ACO2: variants seen among roughly 807,000 people sequenced by gnomAD.
The protein encoded by ACO2 is aconitase 2, also known as aconitate hydratase, mitochondrial.
ACO2 carries 31 observed loss-of-function variants against 84.5 expected under a neutral mutation model. The observed-to-expected ratio is 0.37, with a 90% CI of 0.28 to 0.50. ACO2 has a LOEUF of 0.50. Ranked by LOEUF, ACO2 falls within the 20% of genes least tolerant of loss-of-function variation. The pLI is 0.97. For missense variants in ACO2, 685 were observed against 1,029.3 expected (o/e 0.67, Z 4.58); for synonymous variants, 414 against 412.7 (o/e 1.00, Z -0.04).
At chr22:41,512,937 G>C (rs1023609802) in intron 4 of ACO2, among the ~76,000 whole-genome samples, 5 of 152,112 alleles carry the variant, frequency 3.3e-5, no homozygotes, top group Admixed American at 6.5e-5. Flanking sequence ...CTCCATCCCA[G>C]ACCTCACTGT....
intron 6 of ACO2, 128 bp from the exon 7 acceptor site, chr22:41,517,399 C>T (rs1417726859): frequency 7.8e-6 from 6 of 768,730 alleles, no homozygotes; most frequent in Non-Finnish European, 1.3e-5. Context: ...CCCGCTGTCA[C>T]CACATCTCTC....
chr22:41,504,187 G>A lies in ACO2; in HGVS notation c.174-3604G>A, dbSNP rs143846290. ...GCTGAGACCACACCACAGCACTCCA[G>A]CCAGAGTGGTGTCTCTGGTGACAGA... On this transcript the variant is annotated intron_variant, in intron 2 of 17. Transcript: ENST00000216254. Among the ~76,000 whole-genome samples, 96 of 152,362 alleles carry A rather than the reference G, an allele frequency of 6.3e-4. No individual in the cohort carries two copies. In the South Asian group the frequency reaches 8.1e-3, roughly 13 times the overall value.
intron 8 of ACO2, 119 bp downstream of exon 8, chr22:41,518,691 T>C: frequency 2.5e-6 from 2 of 798,556 alleles, no homozygotes; most frequent in Non-Finnish European, 2.1e-6. Context: ...CCCAGCACTT[T>C]GGGAGGCCAA....
rs752492047 is a variant in ACO2 at position 41,515,435 on chromosome 22, C to A, written c.584C>A (p.Thr195Asn). The change falls in exon 5 of 18, where the codon ACC becomes AAC. Residue 195 changes from threonine (T) to asparagine (N), a missense_variant. Thr to Asn is a moderately conservative substitution (Grantham distance 65). Transcript: ENST00000216254. The surrounding 1 kb of genome is among the most constrained non-coding windows in gnomAD (Gnocchi z 5.8). The stretch of plus-strand genomic sequence containing the variant: ...CTTCTGATTGGCACTGACTCCCACA[C>A]CCCCAATGGTGGCGGCCTTGGGGGC... ...GVLLIGTDSH[T>N]PNGGGLGGIC... The A allele has an allele frequency of 3.7e-6, 6 of 1,613,636 alleles. No homozygotes were observed. The highest frequency in any genetic ancestry group is 4.2e-6 in the Non-Finnish European group (5 of 1,179,970).
At chr22:41,473,426 C>A (rs1452559737) in intron 1 of ACO2, among the ~76,000 whole-genome samples, 4 of 152,160 alleles carry the variant, frequency 2.6e-5, no homozygotes, top group African/African-American at 9.7e-5. Context: ...ATCACTTGAA[C>A]CCAGGAGGTG....
intron 14 of ACO2, 113 bp downstream of exon 14, chr22:41,525,461 G>T (rs1197203999): frequency 1.5e-6 from 2 of 1,330,364 alleles, no homozygotes; most frequent in Non-Finnish European, 2.1e-6. Context: ...GACGCAGGTG[G>T]GAGATGGAAG....
In ACO2 at chr22:41,469,168, G is replaced by A. The variant is rs1485675916; in HGVS notation, c.22G>A (p.Val8Met). MAPYSLLVTRLQKALGVR... is the reference protein window; with the variant it reads MAPYSLLMTRLQKALGVR... Reference sequence around the variant, plus strand: ...CAAAATGGCGCCCTACAGCCTACTGGTGACTCGGCTGCAGGTGAGCGAGCT... The same window carrying A: ...CAAAATGGCGCCCTACAGCCTACTGATGACTCGGCTGCAGGTGAGCGAGCT... Residue 8 changes from valine to methionine, a missense_variant, in exon 1 of 18, where the codon GTG becomes ATG. Physicochemically the swap from Val to Met is conservative, Grantham distance 21 (BLOSUM62 1). This residue lies in a region of ACO2 where 98 missense variants were observed against 107.6 expected (regional missense o/e 0.91). Coordinates refer to ENST00000216254, the MANE Select transcript of ACO2 (RefSeq NM_001098.3). 5.0e-6 allele frequency: 8 copies of A among 1,608,982 alleles called. No homozygotes were observed. The highest frequency in any genetic ancestry group is 4.0e-5 in the African/African-American group (3 of 74,542).
chr22:41,518,876 G>A (rs931125228), intron 8 of ACO2, among the ~76,000 whole-genome samples: 13 of 152,216 alleles, frequency 8.5e-5, no homozygotes, highest in South Asian at 6.2e-4. Context: ...AACCCGGGAC[G>A]CAGAGGTTGC....
chr22:41,471,800 T>C (rs1333023484), intron 1 of ACO2, among the ~76,000 whole-genome samples: 2 of 152,166 alleles, frequency 1.3e-5, no homozygotes, highest in Admixed American at 1.3e-4. Flanking sequence ...ATTAGCCTGA[T>C]TTATAGATGA....
chr22:41,491,972 T>C lies in ACO2; in HGVS notation c.37-7754T>C, dbSNP rs549471820. ...GAGGGACTGGCCGAGATTCTAGAGGTAGCAGGATCTAGAAGAAGTGATCCA... is the reference window on the plus strand; with the variant it reads ...GAGGGACTGGCCGAGATTCTAGAGGCAGCAGGATCTAGAAGAAGTGATCCA... On this transcript the variant is annotated intron_variant, in intron 1 of 17. Coordinates refer to ENST00000216254, the MANE Select transcript of ACO2 (RefSeq NM_001098.3). 1.6e-4 allele frequency among the ~76,000 whole-genome samples: 24 copies of C among 152,186 alleles called. 1 individual carries two copies. The South Asian group carries it at 5.0e-3, about 32-fold the overall frequency.
chr22:41,524,099 C>T (rs964120672), intron 12 of ACO2, among the ~76,000 whole-genome samples, 158 bp downstream of exon 12: 57 of 152,182 alleles, frequency 3.7e-4, no homozygotes, highest in African/African-American at 1.3e-3. Flanking sequence ...TGCTTCCTGC[C>T]TGGGGCTCCC....
chr22:41,477,168 T>A (rs988163554), intron 1 of ACO2, among the ~76,000 whole-genome samples: 29 of 145,692 alleles, frequency 2.0e-4, no homozygotes, highest in East Asian at 1.8e-3. Context: ...TTATTTATTT[T>A]TTTGAGACGG....
At chr22:41,516,394 C>T (rs1352194227) in intron 6 of ACO2, among the ~76,000 whole-genome samples, 2 of 152,234 alleles carry the variant, frequency 1.3e-5, no homozygotes, top group African/African-American at 4.8e-5. Flanking sequence ...CCTCCAAGAC[C>T]AGGTAGGAGC....
intron 1 of ACO2, among the ~76,000 whole-genome samples, chr22:41,495,653 C>T (rs1296772842): frequency 6.7e-6 from 1 of 148,620 alleles, no homozygotes; most frequent in Non-Finnish European, 1.5e-5. Flanking sequence ...CTGAGTCTTG[C>T]TCTGTCGTCC....
chr22:41,483,686 T>C (rs2146087388), intron 1 of ACO2, among the ~76,000 whole-genome samples: 1 of 151,470 alleles, frequency 6.6e-6, no homozygotes, highest in East Asian at 1.9e-4. Flanking sequence ...ATTAAAAATA[T>C]GCCCAAGGCA....
chr22:41,525,605 C>G (rs1036887906), intron 14 of ACO2, among the ~76,000 whole-genome samples: 1 of 152,222 alleles, frequency 6.6e-6, no homozygotes, highest in Non-Finnish European at 1.5e-5. Context: ...AGCAGCTGAT[C>G]AGAGCCACCT....
chr22:41,501,729 C>T (rs901507539), intron 2 of ACO2, among the ~76,000 whole-genome samples: 30 of 152,242 alleles, frequency 2.0e-4, no homozygotes, highest in Admixed American at 1.6e-3. Context: ...GGTGTCTCGT[C>T]TTTGTACCCT....
At chr22:41,502,901 C>T (rs1041354765) in intron 2 of ACO2, among the ~76,000 whole-genome samples, 2 of 151,832 alleles carry the variant, frequency 1.3e-5, no homozygotes, top group African/African-American at 2.4e-5. Context: ...TGAGCCACTG[C>T]GCCTGGCCTT....
At chr22:41,508,558 A>C (rs373104329) in intron 3 of ACO2, among the ~76,000 whole-genome samples, 1 of 152,342 alleles carries the variant, frequency 6.6e-6, no homozygotes, top group East Asian at 1.9e-4. Context: ...TTAGGGCTCA[A>C]TGCTGATCCT....
Sources: allele counts gnomAD v4.1 joint callset (sites outside exome capture counted in the v4.1 genomes callset), GRCh38; gene constraint gnomAD v4.1.1; regional missense constraint gnomAD v4.1.1; non-coding constraint Gnocchi (gnomAD v3.1); transcripts MANE v1.5; gene names NCBI Gene and HGNC (gene_info 2026-07-23, HGNC 2026-07-21).